CARD10: variants seen among roughly 807,000 people sequenced by gnomAD.
The protein encoded by CARD10 is caspase recruitment domain family member 10.
In CARD10, 49 loss-of-function variants were observed where a neutral mutation model predicts 114.6. The observed-to-expected ratio is 0.43, with a 90% CI of 0.34 to 0.54. CARD10 has a LOEUF of 0.54. Ranked by LOEUF, CARD10 falls within the 20% of genes least tolerant of loss-of-function variation. The pLI is 0.03. For missense variants in CARD10, 1,206 were observed against 1,397.2 expected (o/e 0.86, Z 2.18); for synonymous variants, 602 against 593.2 (o/e 1.01, Z -0.21).
intron 16 of CARD10, 87 bp downstream of exon 16, chr22:37,493,999 G>C (rs1399996126): frequency 2.0e-6 from 2 of 1,022,750 alleles, no homozygotes; most frequent in Admixed American, 2.0e-5. Flanking sequence ...AGGCCAAAGA[G>C]GCCACCCAAG....
At chr22:37,494,956 GTTTGTTTTT>G (rs1268968975) in intron 15 of CARD10, among the ~76,000 whole-genome samples, 4 of 151,244 alleles carry the variant, frequency 2.6e-5, no homozygotes, top group Non-Finnish European at 5.9e-5. Context: ...ATGACTGCTG[GTTTGTTTTT>G]TTTGTTTTTT....
At chr22:37,507,071 G>A (rs368127571) in intron 6 of CARD10, among the ~76,000 whole-genome samples, 154 of 152,330 alleles carry the variant, frequency 1.0e-3, no homozygotes, top group African/African-American at 3.5e-3. Context: ...TTGAGCCCAG[G>A]AGTTCAAGAC....
At chr22:37,511,515 G>A (rs2145772922) in intron 3 of CARD10, among the ~76,000 whole-genome samples, 1 of 147,242 alleles carries the variant, frequency 6.8e-6, no homozygotes, top group African/African-American at 2.5e-5. Context: ...GAAGGAAGAA[G>A]GAAGAAAGAA....
At chr22:37,505,330 C>T (rs1923368443) in intron 7 of CARD10, among the ~76,000 whole-genome samples, 1 of 152,066 alleles carries the variant, frequency 6.6e-6, no homozygotes, top group African/African-American at 2.4e-5. Context: ...TCCTCCAGGC[C>T]CCAGTGCTTC....
At chr22:37,515,210 T>C (rs1488471603) in intron 3 of CARD10, among the ~76,000 whole-genome samples, 8 of 152,226 alleles carry the variant, frequency 5.3e-5, no homozygotes, top group Non-Finnish European at 1.2e-4. Flanking sequence ...CAACAATGGC[T>C]ACTGATGACA....
In CARD10 at chr22:37,495,761, T is replaced by C. The variant is rs1329262064; in HGVS notation, c.2302A>G (p.Arg768Gly). Residue 768 changes from arginine (R) to glycine (G), a missense_variant and splice_region_variant, in exon 14 of 20, where the codon AGA becomes GGA. By Grantham distance (125) the Arg-to-Gly change is moderately radical (BLOSUM62 -2). This residue lies in a region of CARD10 where 1,068 missense variants were observed against 1,179.1 expected (regional missense o/e 0.91). Coordinates refer to ENST00000251973, the MANE Select transcript of CARD10 (RefSeq NM_014550.4). ...CCCCAGCTCCTGGCTCTGCGTCACC[T>C]CTGATAATTGGGCACGGTGCCCCGG... ...LDRGTVPNYQRAQQLLEVQEK... is the reference protein window; with the variant it reads ...LDRGTVPNYQGAQQLLEVQEK... 2 of 1,613,706 alleles carry C rather than the reference T, an allele frequency of 1.2e-6. No homozygotes were observed. The highest frequency in any genetic ancestry group is 1.3e-5 in the African/African-American group (1 of 74,930).
chr22:37,496,897 G>A lies in CARD10; in HGVS notation c.1947+122C>T, dbSNP rs1190845851. 7 of 1,198,896 alleles carry A rather than the reference G, an allele frequency of 5.8e-6. No homozygotes were observed. Among genetic ancestry groups the A allele is most frequent in the African/African-American group, 1.5e-5 (1 of 65,610 alleles). 74.3% of individuals were successfully genotyped at this position (1,198,896 alleles called of 1,614,324 possible). ...GCAACCACAGCTAATCACTGAGCCC[G>A]CTTCGGCTTTGACCAATCCCCAGAA... On this transcript the variant is annotated intron_variant, in intron 12 of 19. Coordinates refer to ENST00000251973, the MANE Select transcript of CARD10 (RefSeq NM_014550.4). This position sits in a 1 kb window ranked among gnomAD's most constrained non-coding sequence, Gnocchi z 4.1.
chr22:37,513,533 C>T (rs1278930587), intron 3 of CARD10, among the ~76,000 whole-genome samples: 1 of 152,136 alleles, frequency 6.6e-6, no homozygotes, highest in Non-Finnish European at 1.5e-5. Context: ...GTCCCAGCAG[C>T]CCCCAGATGG....
chr22:37,509,231 T>A, intron 4 of CARD10: 2 of 1,203,162 alleles, frequency 1.7e-6, no homozygotes, highest in Non-Finnish European at 2.2e-6. Flanking sequence ...ATGCAGCTGC[T>A]GACCTGCCAC....
chr22:37,493,330 C>A (rs1028177337), intron 16 of CARD10, among the ~76,000 whole-genome samples: 3 of 152,208 alleles, frequency 2.0e-5, no homozygotes, highest in African/African-American at 7.2e-5. Context: ...CTTCCCTGGT[C>A]CCCAGACATC....
intron 15 of CARD10, 156 bp from the exon 16 acceptor site, chr22:37,494,344 G>C (rs1337053302): frequency 1.6e-6 from 1 of 607,196 alleles, no homozygotes; most frequent in Non-Finnish European, 2.9e-6. Flanking sequence ...TTCTCCACCA[G>C]GCCCTCCCCT....
At position 37,491,341 on chromosome 22, in the gene CARD10, G is replaced by A. The variant is rs375242212; in HGVS notation, c.2917C>T (p.Arg973Cys). Reference protein sequence around the residue: ...WRDSELLRQCRGSEQVLWGLP... With the variant: ...WRDSELLRQCCGSEQVLWGLP... ...CCCCAGAGCACCTGCTCTGAGCCAC[G>A]GCACTGCCGCAGCAGCTCTGAGTCC... is the stretch of plus-strand genomic sequence containing the variant. The change falls in exon 20 of 20, where the codon CGT becomes TGT. Residue 973 changes from arginine to cysteine, a missense_variant. This residue lies in a region of CARD10 where 1,068 missense variants were observed against 1,179.1 expected (regional missense o/e 0.91). Coordinates refer to ENST00000251973, the MANE Select transcript of CARD10 (RefSeq NM_014550.4). 8.4e-6 allele frequency: 13 copies of A among 1,544,782 alleles called. No individual in the cohort carries two copies. The highest frequency in any genetic ancestry group is 4.1e-5 in the African/African-American group (3 of 73,562).
intron 11 of CARD10, among the ~76,000 whole-genome samples, chr22:37,500,795 T>C (rs1037909467): frequency 1.3e-5 from 2 of 152,292 alleles, no homozygotes; most frequent in Middle Eastern, 3.4e-3. Flanking sequence ...CTTGCAGAGC[T>C]GCTCTGAGGA....
chr22:37,494,375 A>T lies in CARD10; in HGVS notation c.2374-187T>A, dbSNP rs953762809. ...CCCCTGCCCCTCCCCAGCCCAGCAC[A>T]GTCCCCCAGGCAGATGAGAGCAGCC... On this transcript the variant is annotated intron_variant, in intron 15 of 19. Coordinates refer to ENST00000251973, the MANE Select transcript of CARD10 (RefSeq NM_014550.4). 67 of 596,696 alleles carry T rather than the reference A, an allele frequency of 1.1e-4. 1 individual carries two copies. In the Admixed American group the frequency reaches 1.9e-3, roughly 17 times the overall value. 37.0% of individuals were successfully genotyped at this position (596,696 alleles called of 1,614,324 possible).
At position 37,495,777 on chromosome 22, in the gene CARD10, G is replaced by A. The variant is rs370782313; in HGVS notation, c.2286C>T (p.Thr762=). ...TGCGTCACCTCTGATAATTGGGCACGGTGCCCCGGTCCAGGTCCCGCAGAG... is the reference window on the plus strand; with the variant it reads ...TGCGTCACCTCTGATAATTGGGCACAGTGCCCCGGTCCAGGTCCCGCAGAG... ...PLTLRDLDRG[T]VPNYQRAQQL... is the part of the protein sequence containing the mutation. Residue 762 remains threonine, a synonymous_variant, in exon 14 of 20, where the codon ACC becomes ACT. Coordinates refer to ENST00000251973, the MANE Select transcript of CARD10 (RefSeq NM_014550.4). The A allele has an allele frequency of 2.2e-5, 35 of 1,613,780 alleles. No homozygotes were observed. The highest frequency in any genetic ancestry group is 1.6e-4 in the South Asian group (15 of 91,090).
chr22:37,500,360 G>A lies in CARD10; in HGVS notation c.1787+2242C>T, dbSNP rs112947276. ...AGTGGTGAGGCTATGCTGGGGAGAC[G>A]GCACCCCGAAACCCTCCAGTGCTCT... On this transcript the variant is annotated intron_variant, in intron 11 of 19. Transcript: ENST00000251973. Among the ~76,000 whole-genome samples, 682 of 152,190 alleles carry A rather than the reference G, an allele frequency of 4.5e-3. 1 individual carries two copies. Among genetic ancestry groups the A allele is most frequent in the Non-Finnish European group, 6.4e-3 (437 of 67,986 alleles).
At chr22:37,506,754 G>A (rs1285214525) in intron 6 of CARD10, among the ~76,000 whole-genome samples, 1 of 152,096 alleles carries the variant, frequency 6.6e-6, no homozygotes, top group Non-Finnish European at 1.5e-5. Context: ...CCAGTCAGTG[G>A]AGAAGCCAGG....
At chr22:37,511,579 C>A (rs1358707483) in intron 3 of CARD10, among the ~76,000 whole-genome samples, 1 of 150,058 alleles carries the variant, frequency 6.7e-6, no homozygotes, top group South Asian at 2.1e-4. Flanking sequence ...AGCTCCGTCT[C>A]TAGCTCAGTG....
At chr22:37,504,517 G>A (rs1923335376) in intron 8 of CARD10, 118 bp downstream of exon 8, 1 of 1,411,526 alleles carries the variant, frequency 7.1e-7, no homozygotes, top group Non-Finnish European at 9.4e-7. Flanking sequence ...AAAGTACTTG[G>A]CCTCCCTGCG....
Sources: allele counts gnomAD v4.1 joint callset (sites outside exome capture counted in the v4.1 genomes callset), GRCh38; gene constraint gnomAD v4.1.1; regional missense constraint gnomAD v4.1.1; non-coding constraint Gnocchi (gnomAD v3.1); transcripts MANE v1.5; gene names NCBI Gene and HGNC (gene_info 2026-07-23, HGNC 2026-07-21).